Variants in SUMF1 observed in about 807,000 individuals in gnomAD.
The protein encoded by SUMF1 is formylglycine-generating enzyme.
SUMF1 carries 48 observed loss-of-function variants against 47.6 expected under a neutral mutation model. The ratio of observed to expected loss-of-function variants is 1.01; its 90% CI spans 0.80 to 1.28. SUMF1 has a LOEUF of 1.28. Ranked by LOEUF, SUMF1 falls within the 50% of genes most tolerant of loss-of-function variation. SUMF1 has a pLI of 0.00. For synonymous variants in SUMF1, 230 were observed against 192.1 expected (o/e 1.20, Z -1.63); for missense variants, 571 against 485.4 (o/e 1.18, Z -1.66).
chr3:4,385,195 G>C (rs1006281161), intron 7 of SUMF1, among the ~76,000 whole-genome samples: 4 of 152,018 alleles, frequency 2.6e-5, no homozygotes, highest in Non-Finnish European at 5.9e-5. Flanking sequence ...TGAATGTTTA[G>C]GTTTTAAAGA....
chr3:4,280,604 T>C (rs1697508116), intron 8 of SUMF1, among the ~76,000 whole-genome samples: 1 of 152,154 alleles, frequency 6.6e-6, no homozygotes, highest in Non-Finnish European at 1.5e-5. Context: ...CCTGGGGCTG[T>C]CCTAACAACA....
At chr3:4,422,664 G>A (rs906771844) in intron 3 of SUMF1, among the ~76,000 whole-genome samples, 2 of 152,062 alleles carry the variant, frequency 1.3e-5, no homozygotes, top group South Asian at 2.1e-4. Flanking sequence ...ATGGTGGAGT[G>A]GAACAGCTGA....
chr3:4,321,475 A>G (rs1418415848), intron 8 of SUMF1, among the ~76,000 whole-genome samples: 1 of 147,628 alleles, frequency 6.8e-6, no homozygotes, highest in East Asian at 1.9e-4. Context: ...AATGCTAAAA[A>G]AAAAAAAAAA....
rs933712688 is a variant in SUMF1 at position 4,286,694 on chromosome 3, A to G, written c.1014+89636T>C. Among the ~76,000 whole-genome samples, 6 of 152,172 alleles carry G rather than the reference A, an allele frequency of 3.9e-5. No individual in the cohort carries two copies. In the East Asian group the frequency reaches 7.7e-4, roughly 20 times the overall value. On this transcript the variant is annotated intron_variant and NMD_transcript_variant, in intron 8 of 12. Transcript: ENST00000448413. ...TTCGCAAGTTAAAGCTTATAAAATA[A>G]TAAGTTCAAAGATGTTTTATCAGTG...
chr3:4,332,769 T>C (rs1337747679), intron 8 of SUMF1, among the ~76,000 whole-genome samples: 1 of 152,092 alleles, frequency 6.6e-6, no homozygotes, highest in African/African-American at 2.4e-5. Context: ...CTGGTAAAGG[T>C]CCCACCCTCA....
chr3:4,204,148 C>A (rs918046282), intron 8 of SUMF1, among the ~76,000 whole-genome samples: 8 of 151,998 alleles, frequency 5.3e-5, no homozygotes, highest in Non-Finnish European at 1.0e-4. Flanking sequence ...TTCCTTTTAA[C>A]ATTTCTTCTT....
Position 4,467,226 on chromosome 3 carries a change from C to G in SUMF1, c.20G>C (p.Gly7Ala), listed in dbSNP as rs903839326. 3 of 1,611,086 alleles carry G rather than the reference C, an allele frequency of 1.9e-6. No homozygotes were observed. The highest frequency in any genetic ancestry group is 1.7e-6 in the Non-Finnish European group (2 of 1,179,022). MAAPALGLVCGRCPELG... is the reference protein window; with the variant it reads MAAPALALVCGRCPELG... Reference sequence around the variant, plus strand: ...CTCAGGGCAACGTCCACACACCAGCCCTAGTGCGGGCGCAGCCATGTTGTC... The same window carrying G: ...CTCAGGGCAACGTCCACACACCAGCGCTAGTGCGGGCGCAGCCATGTTGTC... Residue 7 changes from glycine (G) to alanine (A), a missense_variant, in exon 1 of 9, where the codon GGG becomes GCG. Gly to Ala is a moderately conservative substitution (Grantham distance 60, BLOSUM62 0). Transcript: ENST00000272902.
chr3:4,370,190 G>A (rs555075191), intron 8 of SUMF1, among the ~76,000 whole-genome samples: 36 of 152,198 alleles, frequency 2.4e-4, no homozygotes, highest in Non-Finnish European at 4.3e-4. Context: ...GGGCTGAGTT[G>A]CCCAAAGATC....
intron 8 of SUMF1, among the ~76,000 whole-genome samples, chr3:4,337,326 A>C (rs1699176038): frequency 6.7e-6 from 1 of 149,434 alleles, no homozygotes; most frequent in African/African-American, 2.5e-5. Context: ...CCATCACCCT[A>C]CTGTCCCCTT....
intron 8 of SUMF1, among the ~76,000 whole-genome samples, chr3:4,261,415 T>C (rs1697082737): frequency 6.6e-6 from 1 of 152,216 alleles, no homozygotes; most frequent in Admixed American, 6.5e-5. Context: ...TACTTTTACT[T>C]AAATGTCTGC....
At chr3:4,063,353 T>C (rs1695309079) in intron 9 of SUMF1, among the ~76,000 whole-genome samples, 1 of 152,114 alleles carries the variant, frequency 6.6e-6, no homozygotes, top group Admixed American at 6.6e-5. Context: ...TTTCAGCAGC[T>C]TACAGAGACT....
intron 8 of SUMF1, chr3:4,313,294 C>G (rs1479950856): frequency 7.4e-6 from 12 of 1,613,906 alleles, no homozygotes; most frequent in African/African-American, 1.3e-5. Context: ...AATTCACTTA[C>G]AAACAAAATC....
intron 8 of SUMF1, among the ~76,000 whole-genome samples, chr3:4,095,930 T>C (rs978665594): frequency 1.3e-5 from 2 of 152,128 alleles, no homozygotes; most frequent in African/African-American, 4.8e-5. Context: ...ACATTTTTTT[T>C]CTAATTGATT....
At chr3:4,303,108 G>T (rs1460486911) in intron 8 of SUMF1, among the ~76,000 whole-genome samples, 1 of 152,176 alleles carries the variant, frequency 6.6e-6, no homozygotes, top group Non-Finnish European at 1.5e-5. Flanking sequence ...CCCCCTCTCT[G>T]ATGCTCCCAG....
intron 8 of SUMF1, among the ~76,000 whole-genome samples, chr3:4,197,671 T>C (rs1474743780): frequency 6.6e-6 from 1 of 152,144 alleles, no homozygotes; most frequent in African/African-American, 2.4e-5. Flanking sequence ...AAGTCTGTTC[T>C]GACAAGTAAA....
At chr3:4,377,184 T>C (rs187063047) in intron 7 of SUMF1, among the ~76,000 whole-genome samples, 1 of 152,258 alleles carries the variant, frequency 6.6e-6, no homozygotes, top group Non-Finnish European at 1.5e-5. Context: ...TTGTTAGCCT[T>C]AAAAAAATTT....
chr3:4,367,127 A>G (rs946933077), intron 8 of SUMF1, among the ~76,000 whole-genome samples: 50 of 151,498 alleles, frequency 3.3e-4, no homozygotes, highest in Admixed American at 2.0e-4. Context: ...GTCTGCCCCT[A>G]CTGGGGGGGT....
chr3:4,288,376 T>A (rs1232901232), intron 8 of SUMF1, among the ~76,000 whole-genome samples: 1 of 152,186 alleles, frequency 6.6e-6, no homozygotes, highest in Non-Finnish European at 1.5e-5. Flanking sequence ...TTTAAAAAAA[T>A]TAATATTCCA....
chr3:4,431,780 C>T (rs1462355054), intron 3 of SUMF1, among the ~76,000 whole-genome samples: 1 of 152,134 alleles, frequency 6.6e-6, no homozygotes, highest in East Asian at 1.9e-4. Flanking sequence ...CAAGGTATCT[C>T]CGGCTGGCAA....
Sources: allele counts gnomAD v4.1 joint callset (sites outside exome capture counted in the v4.1 genomes callset), GRCh38; gene constraint gnomAD v4.1.1; transcripts MANE v1.5; gene names NCBI Gene and HGNC (gene_info 2026-07-23, HGNC 2026-07-21).